The following PLEKHA7 variants were observed in gnomAD, a reference collection of about 807,000 sequenced individuals.
PLEKHA7 encodes the protein pleckstrin homology domain containing A7.
Under a neutral mutation model 170.0 loss-of-function variants are expected in PLEKHA7, and 104 were observed. That is an observed-to-expected ratio of 0.61 (90% CI 0.52 to 0.72). The LOEUF (loss-of-function observed/expected upper bound fraction) is 0.72. Among genes scored for constraint, PLEKHA7 ranks in the 30% least tolerant of loss-of-function variants. The pLI is 0.00. For missense variants in PLEKHA7, 1,615 were observed against 1,671.7 expected, an observed-to-expected ratio of 0.97 and a Z score of 0.59; for synonymous variants, 648 against 660.8, an observed-to-expected ratio of 0.98 and a Z score of 0.30.
rs1188139052 is a variant in PLEKHA7 at position 16,789,547 on chromosome 11, C to G, written c.3156+228G>C. ...TCAGGCCTGTCCAGTGAGGCCAGAA[C>G]CCAGGGTGCAGGCTTCTTGAGCTCC... On this transcript the variant is annotated intron_variant, in intron 22 of 26. Coordinates refer to ENST00000531066, the MANE Select transcript of PLEKHA7 (RefSeq NM_001329630.2). The surrounding 1 kb of genome is among the most constrained non-coding windows in gnomAD (Gnocchi z 4.6). The G allele has an allele frequency of 4.9e-6, 3 of 616,254 alleles. No individual in the cohort carries two copies. Among genetic ancestry groups the G allele is most frequent in the Non-Finnish European group, 8.5e-6 (3 of 351,788 alleles). The allele number at this position is 616,254 out of a possible 1,614,324, so 38.2% of individuals were successfully genotyped here.
intron 23 of PLEKHA7, 174 bp downstream of exon 23, chr11:16,788,922 C>T: frequency 2.6e-6 from 2 of 776,330 alleles, no homozygotes; most frequent in Non-Finnish European, 4.1e-6. Flanking sequence ...ACCCTCTGAC[C>T]AGGCATTCGT....
rs573302884 is a variant in PLEKHA7 at position 16,866,360 on chromosome 11, G to A, written c.305+4739C>T. 3.4e-4 allele frequency among the ~76,000 whole-genome samples: 52 copies of A among 151,716 alleles called. 1 individual carries two copies. In the South Asian group the frequency reaches 5.0e-3, roughly 15 times the overall value. On this transcript the variant is annotated intron_variant, in intron 4 of 26. Coordinates refer to ENST00000531066, the MANE Select transcript of PLEKHA7 (RefSeq NM_001329630.2). ...TAATCCCAGCACTTTGGGAGGCCAAGGCGGGCAGATCACCTGAGGTCAGGA... is the reference window on the plus strand; with the variant it reads ...TAATCCCAGCACTTTGGGAGGCCAAAGCGGGCAGATCACCTGAGGTCAGGA...
intron 3 of PLEKHA7, among the ~76,000 whole-genome samples, chr11:16,998,506 T>C (rs193109731): frequency 6.4e-4 from 98 of 152,318 alleles, no homozygotes; most frequent in African/African-American, 2.2e-3. Context: ...TAAATATCTA[T>C]GTATTCACAG....
chr11:16,793,644 G>A (rs143105539), intron 19 of PLEKHA7, among the ~76,000 whole-genome samples: 1 of 152,384 alleles, frequency 6.6e-6, no homozygotes, highest in East Asian at 1.9e-4. Flanking sequence ...ACTGGGACCA[G>A]CCTCATTGTG....
At chr11:16,913,915 T>C (rs879533439) in intron 3 of PLEKHA7, among the ~76,000 whole-genome samples, 9 of 152,230 alleles carry the variant, frequency 5.9e-5, no homozygotes, top group Non-Finnish European at 7.3e-5. Context: ...GATCTAGGAA[T>C]CCCAGTTCCA....
At chr11:16,812,129 C>T (rs1310077310) in intron 13 of PLEKHA7, among the ~76,000 whole-genome samples, 1 of 152,218 alleles carries the variant, frequency 6.6e-6, no homozygotes, top group African/African-American at 2.4e-5. Flanking sequence ...TTTTTTTCTG[C>T]ATCTCCCCAT....
chr11:16,938,292 C>T (rs1039734794), intron 3 of PLEKHA7, among the ~76,000 whole-genome samples: 2 of 151,988 alleles, frequency 1.3e-5, no homozygotes, highest in Non-Finnish European at 2.9e-5. Context: ...CACGTGGCTT[C>T]GTCTGCATTT....
chr11:16,781,917 A>G (rs563893140), intron 26 of PLEKHA7, among the ~76,000 whole-genome samples: 3 of 152,246 alleles, frequency 2.0e-5, no homozygotes, highest in Admixed American at 2.0e-4. Flanking sequence ...CCTGGCCAGG[A>G]GCACCACCCA....
At chr11:16,827,230 G>A (rs1850728019) in intron 9 of PLEKHA7, among the ~76,000 whole-genome samples, 1 of 152,238 alleles carries the variant, frequency 6.6e-6, no homozygotes, top group Non-Finnish European at 1.5e-5. Flanking sequence ...AACAGGCACA[G>A]CAACCACTGT....
chr11:16,942,026 G>C (rs1334569128), intron 3 of PLEKHA7, among the ~76,000 whole-genome samples: 1 of 152,212 alleles, frequency 6.6e-6, no homozygotes, highest in East Asian at 1.9e-4. Flanking sequence ...AGTGTTTACA[G>C]AGTGTTTACT....
intron 3 of PLEKHA7, among the ~76,000 whole-genome samples, chr11:16,948,928 T>A (rs534141648): frequency 1.4e-4 from 22 of 152,260 alleles, no homozygotes; most frequent in African/African-American, 4.1e-4. Flanking sequence ...CTCAGCATCA[T>A]CCCTGGAGCA....
At chr11:16,782,308 C>T (rs1849092110) in intron 26 of PLEKHA7, among the ~76,000 whole-genome samples, 1 of 152,156 alleles carries the variant, frequency 6.6e-6, no homozygotes, top group South Asian at 2.1e-4. Flanking sequence ...GAGACGAAGG[C>T]AGGGGGCCAG....
chr11:16,824,546 A>G (rs1850485680), intron 10 of PLEKHA7, among the ~76,000 whole-genome samples: 1 of 152,224 alleles, frequency 6.6e-6, no homozygotes, highest in African/African-American at 2.4e-5. Context: ...AATTCTAGAC[A>G]TCATCCTTGT....
intron 13 of PLEKHA7, among the ~76,000 whole-genome samples, chr11:16,806,208 A>G (rs761292832): frequency 2.0e-5 from 3 of 152,254 alleles, no homozygotes; most frequent in Non-Finnish European, 2.9e-5. Flanking sequence ...CACAGGCTTT[A>G]GAGCATGGGC....
intron 3 of PLEKHA7, among the ~76,000 whole-genome samples, chr11:16,907,310 C>T (rs1290593991): frequency 1.4e-5 from 2 of 141,300 alleles, no homozygotes; most frequent in African/African-American, 5.3e-5. Context: ...AGGTGAGGGG[C>T]GCCTCTGCCC....
At chr11:16,889,416 A>ATATATATATATATAT (rs1160462846) in intron 3 of PLEKHA7, among the ~76,000 whole-genome samples, 1 of 109,840 alleles carries the variant, frequency 9.1e-6, no homozygotes, top group African/African-American at 4.0e-5. Context: ...AAAAAAAAAA[A>ATATATATATATATAT]AAAAATATAT....
chr11:16,788,282 CAAG>C (rs1024342084), intron 23 of PLEKHA7: 2 of 152,378 alleles, frequency 1.3e-5, no homozygotes, highest in Non-Finnish European at 2.9e-5. Flanking sequence ...GCTATGGAGA[CAAG>C]AACCGCTATT....
intron 10 of PLEKHA7, among the ~76,000 whole-genome samples, chr11:16,819,896 T>C (rs900943737): frequency 6.6e-6 from 1 of 152,170 alleles, no homozygotes; most frequent in Non-Finnish European, 1.5e-5. Flanking sequence ...ATGGTGACAA[T>C]GGTTAATAAT....
intron 3 of PLEKHA7, among the ~76,000 whole-genome samples, chr11:16,883,184 G>A (rs1453417471): frequency 2.0e-5 from 3 of 152,288 alleles, no homozygotes; most frequent in East Asian, 3.9e-4. Context: ...AGATACACTG[G>A]CTTTGGAGGT....
Sources: gnomAD v4.1 joint callset for allele counts (sites outside exome capture counted in the v4.1 genomes callset) on GRCh38, gnomAD v4.1.1 for gene constraint, Gnocchi (gnomAD v3.1) non-coding constraint, MANE v1.5 for transcripts, NCBI Gene and HGNC (gene_info 2026-07-23, HGNC 2026-07-21) for gene names.